The following TRMT10B variants were observed in gnomAD, a reference collection of about 807,000 sequenced individuals.
The protein encoded by TRMT10B is tRNA methyltransferase 10B.
In TRMT10B, 33 loss-of-function variants were observed where a neutral mutation model predicts 43.8. That is an observed-to-expected ratio of 0.75 (90% CI 0.57 to 1.01). The LOEUF is 1.01. Among genes scored for constraint, TRMT10B ranks in the 50% least tolerant of loss-of-function variants. The pLI, the probability that TRMT10B is intolerant of heterozygous loss-of-function variation, is 0.00. For missense variants in TRMT10B, 362 were observed against 369.8 expected (o/e 0.98, Z 0.17); for synonymous variants, 137 against 130.6 (o/e 1.05, Z -0.34).
intron 2 of TRMT10B, 39 bp from the exon 3 acceptor site, chr9:37,762,538 T>A: frequency 4.5e-6 from 7 of 1,545,734 alleles, no homozygotes; most frequent in Non-Finnish European, 6.1e-6. Context: ...TTGGTGCTTA[T>A]GAAGTTCTCA....
Position 37,763,771 on chromosome 9 carries a change from C to G in TRMT10B, c.420+18C>G, listed in dbSNP as rs768913310. 6.8e-6 allele frequency: 11 copies of G among 1,613,478 alleles called. No individual in the cohort carries two copies. In the South Asian group the frequency reaches 1.2e-4, roughly 18 times the overall value. The stretch of plus-strand genomic sequence containing the variant: ...CAAAGAAGGTAGAACATCCACTAAG[C>G]CTGGAATTCCTGCTCGCCATGAGGG... On this transcript the variant is annotated intron_variant, in intron 4 of 8. Transcript: ENST00000297994.
intron 3 of TRMT10B, among the ~76,000 whole-genome samples, chr9:37,763,166 CAAAAAAA>C (rs1162647212): frequency 8.8e-5 from 10 of 113,776 alleles, no homozygotes; most frequent in African/African-American, 1.9e-4. Context: ...AAAAAAAAAA[CAAAAAAA>C]AAAATTTAAG....
chr9:37,771,626 A>G (rs1276193979), intron 7 of TRMT10B, among the ~76,000 whole-genome samples: 2 of 152,244 alleles, frequency 1.3e-5, no homozygotes, highest in African/African-American at 2.4e-5. Flanking sequence ...TAAGGAATGC[A>G]TAATAGAATT....
intron 7 of TRMT10B, among the ~76,000 whole-genome samples, chr9:37,772,577 C>G (rs767347396): frequency 2.0e-5 from 3 of 152,156 alleles, no homozygotes; most frequent in Non-Finnish European, 4.4e-5. Flanking sequence ...CCTCATCTGG[C>G]CCAGAAAATG....
intron 3 of TRMT10B, 99 bp downstream of exon 3, chr9:37,762,784 A>G: frequency 7.2e-7 from 1 of 1,389,092 alleles, no homozygotes; most frequent in Non-Finnish European, 9.6e-7. Context: ...AGTAAAAAGC[A>G]TCTGGGATGT....
At chr9:37,763,384 TA>T (rs941465610) in intron 3 of TRMT10B, among the ~76,000 whole-genome samples, 1 of 152,116 alleles carries the variant, frequency 6.6e-6, no homozygotes, top group Non-Finnish European at 1.5e-5. Flanking sequence ...AGAAATTAAG[TA>T]ACATAATTAT....
In TRMT10B at chr9:37,755,085, A is replaced by T. The variant is rs567336760; in HGVS notation, c.-30+1233A>T. Reference sequence around the variant, plus strand: ...GGAGATCGAGACCATCCTGGCTAAAATGGTGAAACTCCGTCTCTACTAAAA... The same window carrying T: ...GGAGATCGAGACCATCCTGGCTAAATTGGTGAAACTCCGTCTCTACTAAAA... On this transcript the variant is annotated intron_variant, in intron 1 of 8. Coordinates refer to ENST00000297994, the MANE Select transcript of TRMT10B (RefSeq NM_144964.4). 1.0e-3 allele frequency among the ~76,000 whole-genome samples: 153 copies of T among 152,194 alleles called. 6 individuals are homozygous for T. The South Asian group carries it at 0.031, about 30-fold the overall frequency.
intron 1 of TRMT10B, among the ~76,000 whole-genome samples, chr9:37,756,106 A>T (rs535206182): frequency 6.6e-6 from 1 of 152,308 alleles, no homozygotes; most frequent in South Asian, 2.1e-4. Flanking sequence ...GGCATACAGT[A>T]GGAGCTTGGT....
chr9:37,773,756 C>T (rs1158660325), intron 7 of TRMT10B, among the ~76,000 whole-genome samples: 2 of 151,994 alleles, frequency 1.3e-5, no homozygotes, highest in East Asian at 1.9e-4. Context: ...ATCTCTTGAA[C>T]CAGGGAGGCG....
At chr9:37,761,108 G>T (rs1387409955) in intron 1 of TRMT10B, among the ~76,000 whole-genome samples, 2 of 152,114 alleles carry the variant, frequency 1.3e-5, no homozygotes, top group East Asian at 1.9e-4. Context: ...CAACCTAAAA[G>T]AATTCTTGGT....
intron 7 of TRMT10B, 89 bp downstream of exon 7, chr9:37,770,828 G>GTC: frequency 7.4e-7 from 1 of 1,347,270 alleles, no homozygotes; most frequent in Non-Finnish European, 1.0e-6. Context: ...CCTCTAGAGG[G>GTC]TCTAAGAACT....
rs751305576 is a variant in TRMT10B, at chr9:37,769,932, A to C, written c.574-9A>C. ...GCTGTTTTAACATCAGACTGTTTGCATTTTCCAGTTAGACATAACAGAAGA... is the reference window on the plus strand; with the variant it reads ...GCTGTTTTAACATCAGACTGTTTGCCTTTTCCAGTTAGACATAACAGAAGA... On this transcript the variant is annotated splice_polypyrimidine_tract_variant and intron_variant, in intron 5 of 8. Coordinates refer to ENST00000297994, the MANE Select transcript of TRMT10B (RefSeq NM_144964.4). The C allele has an allele frequency of 1.2e-6, 2 of 1,613,452 alleles. No homozygotes were observed. Among genetic ancestry groups the C allele is most frequent in the South Asian group, 1.1e-5 (1 of 91,056 alleles).
chr9:37,769,858 C>T (rs544602905), intron 5 of TRMT10B, 83 bp from the exon 6 acceptor site: 1 of 1,056,386 alleles, frequency 9.5e-7, no homozygotes, highest in Non-Finnish European at 1.5e-6. Flanking sequence ...CCACCTTAGC[C>T]TCCCAAAGTT....
chr9:37,753,359 C>T (rs113108281), upstream of TRMT10B, among the ~76,000 whole-genome samples: 18 of 152,272 alleles, frequency 1.2e-4, 2 homozygotes, highest in African/African-American at 4.1e-4. Flanking sequence ...GCCTAAACTC[C>T]GCAAGGGATG....
chr9:37,753,566 C>G (rs1825200597), upstream of TRMT10B, among the ~76,000 whole-genome samples: 1 of 152,134 alleles, frequency 6.6e-6, no homozygotes, highest in African/African-American at 2.4e-5. Context: ...CTGTAGGAGC[C>G]CTGTGAAGTT....
chr9:37,764,694 G>A (rs1237282705), intron 4 of TRMT10B, among the ~76,000 whole-genome samples: 6 of 152,148 alleles, frequency 3.9e-5, no homozygotes, highest in Admixed American at 6.5e-5. Context: ...AAAGTGCTGC[G>A]ATTACAGGCG....
intron 7 of TRMT10B, among the ~76,000 whole-genome samples, chr9:37,774,136 A>G (rs1156886563): frequency 6.6e-6 from 1 of 152,014 alleles, no homozygotes; most frequent in Non-Finnish European, 1.5e-5. Flanking sequence ...CAGCTTCCCA[A>G]GTAGCTGGGA....
intron 5 of TRMT10B, 78 bp downstream of exon 5, chr9:37,768,306 T>A (rs1022483925): frequency 1.4e-6 from 2 of 1,429,442 alleles, no homozygotes; most frequent in Non-Finnish European, 1.9e-6. Flanking sequence ...TTTTACTTTT[T>A]CATATATGTT....
At chr9:37,767,512 C>CAAAAAAAAAAAAAAA (rs1376563452) in intron 4 of TRMT10B, 5 of 60,852 alleles carry the variant, frequency 8.2e-5, no homozygotes, top group Admixed American at 4.0e-4. Flanking sequence ...GACCCTGTCT[C>CAAAAAAAAAAAAAAA]CAAAAAAAAA....
Sources: gnomAD v4.1 joint callset for allele counts (sites outside exome capture counted in the v4.1 genomes callset) on GRCh38, gnomAD v4.1.1 for gene constraint, MANE v1.5 for transcripts, NCBI Gene and HGNC (gene_info 2026-07-23, HGNC 2026-07-21) for gene names.